ROR1: variants seen among roughly 807,000 people sequenced by gnomAD.
ROR1 encodes inactive tyrosine-protein kinase transmembrane receptor ROR1.
ROR1 carries 19 observed loss-of-function variants against 78.8 expected under a neutral mutation model. The observed-to-expected ratio is 0.24, with a 90% CI of 0.17 to 0.35. The LOEUF (loss-of-function observed/expected upper bound fraction) is 0.35, where lower values mean the gene tolerates loss of function less well. ROR1 is among the 10% of genes least tolerant of loss of function. The pLI, the probability that ROR1 is intolerant of heterozygous loss-of-function variation, is 1.00. For synonymous variants in ROR1, 386 were observed against 433.6 expected (o/e 0.89, Z 1.36); for missense variants, 917 against 1,177.8 (o/e 0.78, Z 3.24).
intron 1 of ROR1, among the ~76,000 whole-genome samples, chr1:63,897,703 A>G (rs1361449721): frequency 6.6e-6 from 1 of 152,218 alleles, no homozygotes; most frequent in Admixed American, 6.5e-5. Context: ...TTCCCAGACA[A>G]TATCTGCTAC....
chr1:63,853,086 T>C (rs1466238236), intron 1 of ROR1, among the ~76,000 whole-genome samples: 1 of 152,172 alleles, frequency 6.6e-6, no homozygotes, highest in Non-Finnish European at 1.5e-5. Flanking sequence ...CTGAGTTCTC[T>C]TTGAGAATCA....
intron 4 of ROR1, among the ~76,000 whole-genome samples, chr1:64,124,359 G>T (rs1446714247): frequency 1.3e-5 from 2 of 152,158 alleles, no homozygotes; most frequent in Admixed American, 6.6e-5. Flanking sequence ...CTGATCTCAA[G>T]CTTTGCCTTT....
At chr1:64,138,513 C>A (rs1649196279) in intron 5 of ROR1, among the ~76,000 whole-genome samples, 1 of 150,826 alleles carries the variant, frequency 6.6e-6, no homozygotes, top group Middle Eastern at 3.5e-3. Context: ...TGTGAAGGAA[C>A]TGAGAGGAGG....
chr1:63,798,638 A>ACACATAGTACCCAG (rs1644777244), intron 1 of ROR1, among the ~76,000 whole-genome samples: 1 of 152,178 alleles, frequency 6.6e-6, no homozygotes, highest in Non-Finnish European at 1.5e-5. Flanking sequence ...AGCCCTGATC[A>ACACATAGTACCCAG]CACATAGTAC....
chr1:63,977,562 T>C (rs1646171961), intron 1 of ROR1, among the ~76,000 whole-genome samples: 1 of 152,178 alleles, frequency 6.6e-6, no homozygotes, highest in African/African-American at 2.4e-5. Context: ...ACTGACCTTG[T>C]AGGATTATTC....
chr1:63,981,233 A>G (rs1212342805), intron 1 of ROR1, among the ~76,000 whole-genome samples: 1 of 152,104 alleles, frequency 6.6e-6, no homozygotes, highest in African/African-American at 2.4e-5. Context: ...CAGAGAGACC[A>G]AAGTCAAACA....
At chr1:64,040,743 C>T (rs1055953300) in intron 2 of ROR1, among the ~76,000 whole-genome samples, 1 of 152,136 alleles carries the variant, frequency 6.6e-6, no homozygotes, top group Non-Finnish European at 1.5e-5. Flanking sequence ...GGACTAATCC[C>T]ATTCGTGAAG....
At chr1:64,050,388 C>T (rs985634010) in intron 3 of ROR1, among the ~76,000 whole-genome samples, 1 of 152,162 alleles carries the variant, frequency 6.6e-6, no homozygotes, top group Non-Finnish European at 1.5e-5. Context: ...TGCAACCACT[C>T]AGCCCATTGG....
chr1:64,174,048 C>T (rs115219225), intron 8 of ROR1, among the ~76,000 whole-genome samples: 5 of 152,116 alleles, frequency 3.3e-5, no homozygotes, highest in African/African-American at 1.2e-4. Context: ...AAACACTCTG[C>T]AACTACTTAA....
At chr1:63,821,837 C>G (rs770253537) in intron 1 of ROR1, among the ~76,000 whole-genome samples, 3 of 152,168 alleles carry the variant, frequency 2.0e-5, no homozygotes, top group Non-Finnish European at 4.4e-5. Flanking sequence ...TTAAGCCCAG[C>G]TATTCATGAA....
intron 4 of ROR1, among the ~76,000 whole-genome samples, chr1:64,104,235 C>T (rs1647693120): frequency 6.6e-6 from 1 of 152,236 alleles, no homozygotes; most frequent in Non-Finnish European, 1.5e-5. Context: ...AAAACTAGTA[C>T]ATAGAAGAGT....
intron 8 of ROR1, among the ~76,000 whole-genome samples, chr1:64,159,405 T>C (rs749913287): frequency 3.8e-4 from 58 of 152,136 alleles, no homozygotes; most frequent in Non-Finnish European, 6.6e-4. Context: ...GAGCCAGCCA[T>C]ATCACTGCCT....
Position 63,872,999 on chromosome 1 carries a change from A to G in ROR1, c.91+98491A>G, listed in dbSNP as rs183766674. Among the ~76,000 whole-genome samples, 669 of 152,212 alleles carry G rather than the reference A, an allele frequency of 4.4e-3. 5 individuals carry two copies. The highest frequency in any genetic ancestry group is 0.015 in the African/African-American group (640 of 41,540). On this transcript the variant is annotated intron_variant, in intron 1 of 8. Transcript: ENST00000371079. ...GGGTATTTACATTCCCAGGATTTTC[A>G]GATATATTTATGATTTTATTTTTTT... is the stretch of plus-strand genomic sequence containing the variant.
At chr1:63,874,456 G>A (rs896896558) in intron 1 of ROR1, among the ~76,000 whole-genome samples, 1 of 152,098 alleles carries the variant, frequency 6.6e-6, no homozygotes, top group Non-Finnish European at 1.5e-5. Flanking sequence ...TATTAGCAAG[G>A]TCTCATAGAT....
chr1:64,077,128 G>A (rs2360720), intron 4 of ROR1, among the ~76,000 whole-genome samples: 1 of 151,988 alleles, frequency 6.6e-6, no homozygotes, highest in Non-Finnish European at 1.5e-5. Context: ...ACATAGTATG[G>A]TTCAATAGAT....
At chr1:63,941,824 T>C (rs1645843067) in intron 1 of ROR1, among the ~76,000 whole-genome samples, 1 of 152,218 alleles carries the variant, frequency 6.6e-6, no homozygotes, top group African/African-American at 2.4e-5. Flanking sequence ...ACATCTTGGC[T>C]AGCCTTAAAA....
intron 8 of ROR1, among the ~76,000 whole-genome samples, chr1:64,170,101 T>C (rs1418773177): frequency 6.6e-6 from 1 of 152,194 alleles, no homozygotes; most frequent in Admixed American, 6.5e-5. Flanking sequence ...AGTGGCTCTC[T>C]TCTCACAGGT....
rs1160937798 is a variant in ROR1 at position 63,783,603 on chromosome 1, C to T, written c.91+9095C>T. Among the ~76,000 whole-genome samples, 20 of 152,156 alleles carry T rather than the reference C, an allele frequency of 1.3e-4. 1 individual carries two copies. Among genetic ancestry groups the T allele is most frequent in the Admixed American group, 1.3e-3 (20 of 15,278 alleles). On this transcript the variant is annotated intron_variant, in intron 1 of 8. Coordinates refer to ENST00000371079, the MANE Select transcript of ROR1 (RefSeq NM_005012.4). ...CTCCAGCTCCACACCTGTGTGAATC[C>T]TCCACCATGCCCAAAGCAGAATCCA...
chr1:64,031,939 G>A (rs1034846413), intron 2 of ROR1, among the ~76,000 whole-genome samples: 2 of 151,652 alleles, frequency 1.3e-5, no homozygotes, highest in Admixed American at 6.6e-5. Flanking sequence ...GAAGAAAGAT[G>A]ACAACACTGA....
Sources: allele counts gnomAD v4.1 joint callset (sites outside exome capture counted in the v4.1 genomes callset), GRCh38; gene constraint gnomAD v4.1.1; transcripts MANE v1.5; gene names NCBI Gene and HGNC (gene_info 2026-07-23, HGNC 2026-07-21).